Variants in IQGAP2 observed in about 807,000 individuals in gnomAD.
IQGAP2 encodes the protein IQ motif containing GTPase activating protein 2, also known as ras GTPase-activating-like protein IQGAP2.
IQGAP2 carries 173 observed loss-of-function variants against 201.3 expected under a neutral mutation model. The observed-to-expected ratio is 0.86, with a 90% CI of 0.76 to 0.98. The LOEUF (loss-of-function observed/expected upper bound fraction) is 0.98. Ranked by LOEUF, IQGAP2 falls within the 50% of genes least tolerant of loss-of-function variation. IQGAP2 has a pLI of 0.00. For synonymous variants in IQGAP2, 675 were observed against 673.9 expected, an observed-to-expected ratio of 1.00 and a Z score of -0.03; for missense variants, 1,687 against 1,864.8, an observed-to-expected ratio of 0.90 and a Z score of 1.76.
chr5:76,579,054 G>T (rs1745660514), intron 5 of IQGAP2, among the ~76,000 whole-genome samples: 1 of 152,050 alleles, frequency 6.6e-6, no homozygotes, highest in Non-Finnish European at 1.5e-5. Context: ...TGAGTTCCTT[G>T]AAAGAGTTGG....
chr5:76,704,577 A>T (rs1304053944), intron 35 of IQGAP2, among the ~76,000 whole-genome samples: 1 of 152,214 alleles, frequency 6.6e-6, no homozygotes, highest in African/African-American at 2.4e-5. Context: ...AGTAGTGCAT[A>T]ATCAGAACTG....
At chr5:76,503,284 C>G (rs1407227692) in intron 2 of IQGAP2, among the ~76,000 whole-genome samples, 1 of 149,652 alleles carries the variant, frequency 6.7e-6, no homozygotes, top group African/African-American at 2.5e-5. Flanking sequence ...AGCAATTCTC[C>G]TGCCTCAGCC....
At chr5:76,456,953 TACAAAA>T (rs754643750) in intron 1 of IQGAP2, among the ~76,000 whole-genome samples, 16 of 152,284 alleles carry the variant, frequency 1.1e-4, no homozygotes, top group African/African-American at 3.6e-4. Context: ...TTTTTAAAAA[TACAAAA>T]TAAATGCTAA....
At chr5:76,421,218 A>G (rs1216361301) in intron 1 of IQGAP2, among the ~76,000 whole-genome samples, 5 of 152,200 alleles carry the variant, frequency 3.3e-5, no homozygotes, top group African/African-American at 7.2e-5. Flanking sequence ...GAAGAAGCCA[A>G]TTAGAATGCC....
At chr5:76,663,851 C>T (rs1020211572) in intron 21 of IQGAP2, among the ~76,000 whole-genome samples, 4 of 152,174 alleles carry the variant, frequency 2.6e-5, no homozygotes, top group East Asian at 1.9e-4. Context: ...ACTTTTCTTC[C>T]GAAGTTTCCT....
chr5:76,576,154 T>A (rs1745459270), intron 5 of IQGAP2, among the ~76,000 whole-genome samples: 1 of 152,120 alleles, frequency 6.6e-6, no homozygotes, highest in South Asian at 2.1e-4. Flanking sequence ...TAGTCATAAT[T>A]TTGGTTTAAT....
chr5:76,437,144 T>C (rs925730355), intron 1 of IQGAP2, among the ~76,000 whole-genome samples: 1 of 152,068 alleles, frequency 6.6e-6, no homozygotes, highest in African/African-American at 2.4e-5. Context: ...CTCTGCCTTT[T>C]GGGTTCAAGT....
chr5:76,545,919 C>G (rs1488011727), intron 2 of IQGAP2, among the ~76,000 whole-genome samples: 1 of 152,192 alleles, frequency 6.6e-6, no homozygotes, highest in African/African-American at 2.4e-5. Context: ...ACTTCACACT[C>G]TCTCCTGTCA....
At chr5:76,435,266 C>A (rs1393126983) in intron 1 of IQGAP2, among the ~76,000 whole-genome samples, 1 of 151,978 alleles carries the variant, frequency 6.6e-6, no homozygotes, top group African/African-American at 2.4e-5. Flanking sequence ...GTCATAAATT[C>A]TTTGCCTAGG....
chr5:76,683,897 T>C lies in IQGAP2; in HGVS notation c.3885T>C (p.Asp1295=), dbSNP rs2150516003. ...KYDIEDGEAI[D]SRSLMIKTKK... The stretch of plus-strand genomic sequence containing the variant: ...ACATAGAGGACGGTGAAGCTATAGA[T>C]AGCCGAAGCCTCATGATAAAGTAAG... The change falls in exon 30 of 36, where the codon GAT becomes GAC. Residue 1295 remains aspartate (D), a synonymous_variant. Coordinates refer to ENST00000274364, the MANE Select transcript of IQGAP2 (RefSeq NM_006633.5). 1 of 1,612,662 alleles carries C rather than the reference T, an allele frequency of 6.2e-7. No individual in the cohort carries two copies.
At chr5:76,427,050 C>A (rs1027569939) in intron 1 of IQGAP2, among the ~76,000 whole-genome samples, 1 of 151,978 alleles carries the variant, frequency 6.6e-6, no homozygotes, top group African/African-American at 2.4e-5. Flanking sequence ...TCCTGTAGGT[C>A]AGGGTTTCTC....
intron 21 of IQGAP2, among the ~76,000 whole-genome samples, chr5:76,661,558 A>G (rs922753011): frequency 6.6e-6 from 1 of 152,182 alleles, no homozygotes; most frequent in Non-Finnish European, 1.5e-5. Flanking sequence ...TTAATACTTA[A>G]TTATACTACT....
chr5:76,466,620 A>C (rs1388075112), intron 2 of IQGAP2, among the ~76,000 whole-genome samples: 2 of 152,214 alleles, frequency 1.3e-5, no homozygotes, highest in East Asian at 3.9e-4. Context: ...TGCCCTTTTC[A>C]ACAGAGGATG....
At chr5:76,606,389 T>G in intron 12 of IQGAP2, 86 bp downstream of exon 12, 1 of 1,275,504 alleles carries the variant, frequency 7.8e-7, no homozygotes, top group East Asian at 2.5e-5. Flanking sequence ...GGCTTTAAGT[T>G]TTTGCTCAAG....
chr5:76,528,875 G>C (rs1368585542), intron 2 of IQGAP2, among the ~76,000 whole-genome samples: 1 of 152,176 alleles, frequency 6.6e-6, no homozygotes, highest in Non-Finnish European at 1.5e-5. Flanking sequence ...CTATTCTATA[G>C]ACAGGAGTAA....
intron 2 of IQGAP2, among the ~76,000 whole-genome samples, chr5:76,486,381 C>T (rs1315224713): frequency 6.6e-6 from 1 of 152,072 alleles, no homozygotes. Flanking sequence ...TTTTATGTCC[C>T]CTCATCAAAT....
At chr5:76,698,184 A>G in intron 33 of IQGAP2, 37 bp downstream of exon 33, 1 of 1,457,846 alleles carries the variant, frequency 6.9e-7, no homozygotes, top group Non-Finnish European at 9.5e-7. Flanking sequence ...TTGTAATGTC[A>G]TGATTTCTAT....
chr5:76,635,716 C>G (rs1162120021), intron 15 of IQGAP2, among the ~76,000 whole-genome samples: 1 of 152,020 alleles, frequency 6.6e-6, no homozygotes, highest in Non-Finnish European at 1.5e-5. Flanking sequence ...TTGCATGATC[C>G]TGTGGTCCCA....
chr5:76,624,553 G>T (rs1209406422), intron 13 of IQGAP2: 2 of 152,104 alleles, frequency 1.3e-5, no homozygotes, highest in African/African-American at 4.8e-5. Flanking sequence ...TTATTATATT[G>T]CAGAAATATA....
Sources: allele counts gnomAD v4.1 joint callset (sites outside exome capture counted in the v4.1 genomes callset), GRCh38; gene constraint gnomAD v4.1.1; transcripts MANE v1.5; gene names NCBI Gene and HGNC (gene_info 2026-07-23, HGNC 2026-07-21).